ACTN2: variants seen among roughly 807,000 people sequenced by gnomAD.
ACTN2 encodes actinin alpha 2, also known as alpha-actinin-2.
ACTN2 carries 39 observed loss-of-function variants against 113.8 expected under a neutral mutation model. That is an observed-to-expected ratio of 0.34 (90% CI 0.27 to 0.45). The LOEUF (loss-of-function observed/expected upper bound fraction) is 0.45, where lower values mean the gene tolerates loss of function less well. ACTN2 is among the 20% of genes least tolerant of loss of function. The pLI, the probability that ACTN2 is intolerant of heterozygous loss-of-function variation, is 1.00. For missense variants in ACTN2, 992 were observed against 1,177.9 expected (o/e 0.84, Z 2.31); for synonymous variants, 429 against 444.1 (o/e 0.97, Z 0.43).
rs7527525 is a variant in ACTN2, at chr1:236,739,260, C to T, written c.877-42C>T. The T allele has an allele frequency of 0.57, 907,307 of 1,596,036 alleles. 268,340 individuals are homozygous for T. The highest frequency in any genetic ancestry group is 0.61 in the Non-Finnish European group (715,622 of 1,164,466). On this transcript the variant is annotated intron_variant, in intron 9 of 20. Coordinates refer to ENST00000366578, the MANE Select transcript of ACTN2 (RefSeq NM_001103.4). ...TTTTTTTTTTAACTGGGGGAGGGGG[C>T]TTGCTGGTGTCTTCAGCAGTATTTT...
intron 11 of ACTN2, 138 bp downstream of exon 11, chr1:236,743,181 T>TCTCA: frequency 9.5e-7 from 1 of 1,053,074 alleles, no homozygotes. Context: ...TCTGCTCTTG[T>TCTCA]CTCAGTGCCA....
intron 18 of ACTN2, among the ~76,000 whole-genome samples, chr1:236,758,596 TTTTTGTTTTGTTTTG>T (rs71178352): frequency 1.6e-4 from 24 of 146,236 alleles, no homozygotes; most frequent in Non-Finnish European, 3.1e-4. Context: ...GCCTTTTTTC[TTTTTGTTTTGTTTTG>T]TTTTGTTTTG....
chr1:236,729,197 C>T (rs1260870772), intron 6 of ACTN2, among the ~76,000 whole-genome samples: 1 of 151,892 alleles, frequency 6.6e-6, no homozygotes, highest in Non-Finnish European at 1.5e-5. Flanking sequence ...TGGTGGCAGA[C>T]GCCTGTAATC....
intron 14 of ACTN2, among the ~76,000 whole-genome samples, chr1:236,751,049 C>T (rs890119589): frequency 1.4e-4 from 20 of 141,980 alleles, no homozygotes; most frequent in Non-Finnish European, 1.0e-4. Flanking sequence ...ATGATTGCAC[C>T]ACTGCACTCC....
Position 236,754,044 on chromosome 1 carries a change from C to G in ACTN2, c.1937C>G (p.Ala646Gly). ...CTGAGGCGCCAGTTTGCTGCCCAAG[C>G]CAATGCCATTGGGCCCTGGATCCAG... ...ERLRRQFAAQANAIGPWIQNK... is the reference protein window; with the variant it reads ...ERLRRQFAAQGNAIGPWIQNK... Residue 646 changes from alanine (A) to glycine (G), a missense_variant, in exon 16 of 21, where the codon GCC (alanine) becomes GGC (glycine). Ala to Gly is a moderately conservative substitution (Grantham distance 60). This residue lies in a region of ACTN2 where 736 missense variants were observed against 815.4 expected (regional missense o/e 0.90). Coordinates refer to ENST00000366578, the MANE Select transcript of ACTN2 (RefSeq NM_001103.4). This position sits in a 1 kb window ranked among gnomAD's most constrained non-coding sequence, Gnocchi z 4.9. 6.2e-7 allele frequency: 1 copy of G among 1,614,116 alleles called. No homozygotes were observed.
Position 236,732,425 on chromosome 1 carries a change from C to T in ACTN2, c.697+1111C>T, listed in dbSNP as rs28367304. On this transcript the variant is annotated intron_variant, in intron 7 of 20. Coordinates refer to ENST00000366578, the MANE Select transcript of ACTN2 (RefSeq NM_001103.4). Reference sequence around the variant, plus strand: ...TCTGTGAATATTTTCTTTTCTTTTTCTTTTTATTTTTTATTTTTTATTTTT... The same window carrying T: ...TCTGTGAATATTTTCTTTTCTTTTTTTTTTTATTTTTTATTTTTTATTTTT... Among the ~76,000 whole-genome samples the T allele has an allele frequency of 6.9e-5, 10 of 145,800 alleles. No homozygotes were observed. The South Asian group carries it at 1.5e-3, about 22-fold the overall frequency.
Position 236,686,645 on chromosome 1 carries a change from C to G in ACTN2, c.-29C>G. ...GCCCGTGCGTCCGAGCCCCTCGCGC[C>G]CCGCCGCAGCCCCGGCCAACCGAGC... On this transcript the variant is annotated 5_prime_UTR_variant, in exon 1 of 21. Coordinates refer to ENST00000366578, the MANE Select transcript of ACTN2 (RefSeq NM_001103.4). 1 of 1,538,422 alleles carries G rather than the reference C, an allele frequency of 6.5e-7. No homozygotes were observed. The highest frequency in any genetic ancestry group is 2.7e-5 in the East Asian group (1 of 36,934).
In ACTN2 at chr1:236,751,574, G is replaced by A. The variant is rs770066690; in HGVS notation, c.1761G>A (p.Gln587=). ...AGAACGAGGTGGAGAAGGTGATTCA[G>A]AGCTACAACATCAGAATCAGCTCAA... The part of the protein sequence containing the change: ...AIQNEVEKVI[Q]SYNIRISSSN... The change falls in exon 15 of 21, where the codon CAG becomes CAA. Residue 587 remains glutamine, a synonymous_variant. Coordinates refer to ENST00000366578, the MANE Select transcript of ACTN2 (RefSeq NM_001103.4). 3.1e-6 allele frequency: 5 copies of A among 1,614,060 alleles called. No homozygotes were observed. The South Asian group carries it at 5.5e-5, about 18-fold the overall frequency.
At chr1:236,725,868 G>T in intron 4 of ACTN2, 65 bp from the exon 5 acceptor site, 1 of 1,465,932 alleles carries the variant, frequency 6.8e-7, no homozygotes, top group South Asian at 1.1e-5. Context: ...TTTCAAAAGT[G>T]ACTAGGAGCT....
intron 1 of ACTN2, among the ~76,000 whole-genome samples, chr1:236,692,345 C>A (rs927103384): frequency 6.6e-6 from 1 of 152,192 alleles, no homozygotes; most frequent in Non-Finnish European, 1.5e-5. Context: ...AAGCAACAAC[C>A]AAACTAATGA....
At chr1:236,698,218 A>G (rs1033708497) in intron 1 of ACTN2, among the ~76,000 whole-genome samples, 2 of 34,168 alleles carry the variant, frequency 5.9e-5, no homozygotes, top group Non-Finnish European at 1.5e-4. Flanking sequence ...CATTTGTAAG[A>G]TGCCTTAAAA....
chr1:236,722,634 CAAAAA>C (rs35608028), intron 4 of ACTN2, among the ~76,000 whole-genome samples: 1 of 112,104 alleles, frequency 8.9e-6, no homozygotes, highest in African/African-American at 3.4e-5. Flanking sequence ...GACTCCGTCT[CAAAAA>C]AAAAAAAAAA....
At chr1:236,759,468 T>G (rs1267369066) in intron 18 of ACTN2, among the ~76,000 whole-genome samples, 3 of 152,212 alleles carry the variant, frequency 2.0e-5, no homozygotes, top group Admixed American at 1.3e-4. Context: ...CTAGTTCCTT[T>G]TGCTGTTTTC....
At position 236,739,551 on chromosome 1, in the gene ACTN2, G is replaced by A. The variant is rs2102922750; in HGVS notation, c.1107+19G>A. Reference sequence around the variant, plus strand: ...GGTGTCGGTGAGTAGCAAGCGCCAAGCCCTCCTGGCGCCACGGGAAGCCCT... The same window carrying A: ...GGTGTCGGTGAGTAGCAAGCGCCAAACCCTCCTGGCGCCACGGGAAGCCCT... On this transcript the variant is annotated intron_variant, in intron 10 of 20. Coordinates refer to ENST00000366578, the MANE Select transcript of ACTN2 (RefSeq NM_001103.4). 3 of 1,612,964 alleles carry A rather than the reference G, an allele frequency of 1.9e-6. No individual in the cohort carries two copies. Among genetic ancestry groups the A allele is most frequent in the East Asian group, 2.2e-5 (1 of 44,828 alleles).
intron 1 of ACTN2, among the ~76,000 whole-genome samples, chr1:236,715,447 A>G (rs1006581253): frequency 6.6e-6 from 1 of 152,104 alleles, no homozygotes; most frequent in Non-Finnish European, 1.5e-5. Flanking sequence ...ACAAAACTTA[A>G]TTATCTATAG....
intron 10 of ACTN2, among the ~76,000 whole-genome samples, chr1:236,742,264 C>G (rs1198198182): frequency 7.3e-6 from 1 of 137,742 alleles, no homozygotes; most frequent in Non-Finnish European, 1.7e-5. Flanking sequence ...TCTCTCTCCC[C>G]CAACCACCAT....
intron 7 of ACTN2, among the ~76,000 whole-genome samples, chr1:236,731,937 G>C (rs1410713228): frequency 1.3e-5 from 2 of 152,194 alleles, no homozygotes; most frequent in Admixed American, 6.5e-5. Context: ...GAATTTGTGT[G>C]AGCTGTACCT....
rs3831321 is a variant in ACTN2 at position 236,761,432 on chromosome 1, C to CGTGT, written c.2526+282_2526+285dup. 0.16 allele frequency among the ~76,000 whole-genome samples: 24,726 copies of CGTGT among 150,362 alleles called. 2,371 individuals carry two copies. The highest frequency in any genetic ancestry group is 0.29 in the East Asian group (1,454 of 5,088). ...AGGGACAAGAGTGTATTTGTACTTG[C>CGTGT]GTGTGTGTGTGTGTGTGTGTGTGTG... On this transcript the variant is annotated intron_variant, in intron 20 of 20. Transcript: ENST00000366578.
Position 236,718,930 on chromosome 1 carries a change from G to A in ACTN2, c.278G>A (p.Arg93Gln), listed in dbSNP as rs777124854. 29 of 1,614,050 alleles carry A rather than the reference G, an allele frequency of 1.8e-5. No homozygotes were observed. Among genetic ancestry groups the A allele is most frequent in the African/African-American group, 4.0e-5 (3 of 74,930 alleles). Residue 93 changes from arginine (R) to glutamine (Q), a missense_variant, in exon 3 of 21, where the codon CGG (arginine) becomes CAG (glutamine). Physicochemically the swap from Arg to Gln is conservative, Grantham distance 43 (BLOSUM62 1). Transcript: ENST00000366578. The stretch of plus-strand genomic sequence containing the variant: ...CCCAAACCTGACCGGGGAAAAATGC[G>A]GTTCCACAAAATTGCTAATGTCAAC... Reference protein sequence around the residue: ...RLPKPDRGKMRFHKIANVNKA... With the variant: ...RLPKPDRGKMQFHKIANVNKA...
Sources: allele counts gnomAD v4.1 joint callset (sites outside exome capture counted in the v4.1 genomes callset), GRCh38; gene constraint gnomAD v4.1.1; regional missense constraint gnomAD v4.1.1; non-coding constraint Gnocchi (gnomAD v3.1); transcripts MANE v1.5; gene names NCBI Gene and HGNC (gene_info 2026-07-23, HGNC 2026-07-21).